Variants in CDH12 observed in about 807,000 individuals in gnomAD.
CDH12 encodes the protein cadherin 12.
CDH12 carries 41 observed loss-of-function variants against 74.1 expected under a neutral mutation model. The observed-to-expected ratio is 0.55, with a 90% CI of 0.43 to 0.72. The LOEUF is 0.72. CDH12 is among the 30% of genes least tolerant of loss of function. The probability of loss-of-function intolerance (pLI) is 0.00; values close to 1 mark genes in which losing one functional copy is unlikely to be tolerated. For missense variants in CDH12, 945 were observed against 977.2 expected, an observed-to-expected ratio of 0.97 and a Z score of 0.44; for synonymous variants, 399 against 355.0, an observed-to-expected ratio of 1.12 and a Z score of -1.39.
intron 8 of CDH12, among the ~76,000 whole-genome samples, chr5:21,818,365 CAAG>C (rs1748180960): frequency 6.6e-6 from 1 of 151,850 alleles, no homozygotes; most frequent in Non-Finnish European, 1.5e-5. Flanking sequence ...TTATTTTCTC[CAAG>C]AAGGTGTGAG....
intron 6 of CDH12, among the ~76,000 whole-genome samples, chr5:21,856,986 A>G (rs535666386): frequency 6.6e-6 from 1 of 151,960 alleles, no homozygotes; most frequent in East Asian, 1.9e-4. Flanking sequence ...ACAAGAATGG[A>G]ACTAAACACC....
At chr5:22,849,219 C>G (rs1322568206) in intron 1 of CDH12, among the ~76,000 whole-genome samples, 1 of 152,054 alleles carries the variant, frequency 6.6e-6, no homozygotes, top group Non-Finnish European at 1.5e-5. Context: ...CAGAATAACT[C>G]AAAGTTCAAA....
At chr5:22,838,033 T>C (rs1213555799) in intron 1 of CDH12, among the ~76,000 whole-genome samples, 1 of 152,054 alleles carries the variant, frequency 6.6e-6, no homozygotes, top group Non-Finnish European at 1.5e-5. Flanking sequence ...AGTGAAAAAA[T>C]AACCATTATT....
chr5:22,047,233 T>A (rs906737920), intron 5 of CDH12, among the ~76,000 whole-genome samples: 1 of 152,188 alleles, frequency 6.6e-6, no homozygotes, highest in Non-Finnish European at 1.5e-5. Context: ...CACTCTAGGA[T>A]CCCTTCCTTA....
chr5:22,268,848 A>T lies in CDH12; in HGVS notation c.-332-56205T>A, dbSNP rs192596193. On this transcript the variant is annotated intron_variant, in intron 3 of 14. Transcript: ENST00000382254. Reference sequence around the variant, plus strand: ...TATTTTTAATTATTGAGCAACTCGTATGCATCATACTTTACATTAGGCTAG... The same window carrying T: ...TATTTTTAATTATTGAGCAACTCGTTTGCATCATACTTTACATTAGGCTAG... Among the ~76,000 whole-genome samples, 677 of 152,280 alleles carry T rather than the reference A, an allele frequency of 4.4e-3. 5 individuals carry two copies. The highest frequency in any genetic ancestry group is 0.015 in the African/African-American group (635 of 41,566).
chr5:22,063,744 G>C (rs983528618), intron 5 of CDH12, among the ~76,000 whole-genome samples: 3 of 151,622 alleles, frequency 2.0e-5, no homozygotes, highest in African/African-American at 7.3e-5. Flanking sequence ...TAAATTGGCG[G>C]ACTTTGAGTA....
chr5:22,249,200 G>T lies in CDH12; in HGVS notation c.-332-36557C>A, dbSNP rs573575241. 2.6e-5 allele frequency among the ~76,000 whole-genome samples: 4 copies of T among 152,176 alleles called. No individual in the cohort carries two copies. In the South Asian group the frequency reaches 8.3e-4, roughly 32 times the overall value. On this transcript the variant is annotated intron_variant, in intron 3 of 14. Transcript: ENST00000382254. ...AGTGTCAATTAATTTTAAATTCATA[G>T]AACAGCTGTGAATGTTAGAGCCATA...
At chr5:21,781,829 G>C (rs192739647) in intron 11 of CDH12, among the ~76,000 whole-genome samples, 23 of 152,178 alleles carry the variant, frequency 1.5e-4, no homozygotes, top group African/African-American at 5.1e-4. Flanking sequence ...CAAGAAACTG[G>C]GAATCAGTAG....
chr5:22,381,434 T>C (rs1364179416), intron 3 of CDH12, among the ~76,000 whole-genome samples: 4 of 152,120 alleles, frequency 2.6e-5, no homozygotes, highest in Non-Finnish European at 4.4e-5. Flanking sequence ...TCTATTTCAA[T>C]CTTCGGGTTG....
chr5:22,133,819 T>A (rs1746312158), intron 4 of CDH12, among the ~76,000 whole-genome samples: 1 of 152,098 alleles, frequency 6.6e-6, no homozygotes, highest in Non-Finnish European at 1.5e-5. Flanking sequence ...CTTCACTTAA[T>A]CATGTTATTT....
At chr5:22,000,375 A>G (rs1736535241) in intron 5 of CDH12, among the ~76,000 whole-genome samples, 1 of 152,194 alleles carries the variant, frequency 6.6e-6, no homozygotes, top group African/African-American at 2.4e-5. Flanking sequence ...TGAGCCTGGC[A>G]TCACATCAGC....
chr5:22,467,911 T>C (rs1206823625), intron 2 of CDH12, among the ~76,000 whole-genome samples: 1 of 152,234 alleles, frequency 6.6e-6, no homozygotes, highest in Non-Finnish European at 1.5e-5. Flanking sequence ...CATCAAATCA[T>C]CTGTAATGAT....
chr5:22,121,934 G>A (rs1745537405), intron 4 of CDH12, among the ~76,000 whole-genome samples: 1 of 151,800 alleles, frequency 6.6e-6, no homozygotes, highest in Non-Finnish European at 1.5e-5. Flanking sequence ...ATTACATATA[G>A]GTGCAATTAT....
intron 11 of CDH12, among the ~76,000 whole-genome samples, chr5:21,780,826 T>A (rs74535686): frequency 6.6e-6 from 1 of 152,198 alleles, no homozygotes; most frequent in Admixed American, 6.5e-5. Context: ...AATTATGATA[T>A]ATTTTAGCTG....
chr5:22,322,051 C>A (rs1257079596), intron 3 of CDH12, among the ~76,000 whole-genome samples: 1 of 152,162 alleles, frequency 6.6e-6, no homozygotes, highest in Non-Finnish European at 1.5e-5. Context: ...CTCAGAATAT[C>A]ATTTTAATGA....
At chr5:22,652,102 T>A (rs1739776583) in intron 1 of CDH12, among the ~76,000 whole-genome samples, 1 of 152,136 alleles carries the variant, frequency 6.6e-6, no homozygotes, top group Non-Finnish European at 1.5e-5. Flanking sequence ...GGAAAAAGAT[T>A]AAAATGTGAA....
intron 3 of CDH12, among the ~76,000 whole-genome samples, chr5:22,326,710 C>T (rs955313167): frequency 6.6e-6 from 1 of 152,120 alleles, no homozygotes; most frequent in African/African-American, 2.4e-5. Context: ...AAAATTGTAC[C>T]TATAAAATCC....
Position 21,915,300 on chromosome 5 carries a change from G to GT in CDH12, c.526+59790dup, listed in dbSNP as rs545605710. On this transcript the variant is annotated intron_variant, in intron 6 of 14. Transcript: ENST00000382254. Reference sequence around the variant, plus strand: ...ATATGTAGCAGAATAACAACTAATGGTTTTTTAGTAGTATGTAGAGAAGAA... The same window carrying GT: ...ATATGTAGCAGAATAACAACTAATGGTTTTTTTAGTAGTATGTAGAGAAGAA... 4.4e-3 allele frequency among the ~76,000 whole-genome samples: 669 copies of GT among 152,202 alleles called. 7 individuals carry two copies. Among genetic ancestry groups the GT allele is most frequent in the African/African-American group, 0.015 (633 of 41,538 alleles).
At chr5:22,631,690 T>C in intron 1 of CDH12, among the ~76,000 whole-genome samples, 1 of 152,170 alleles carries the variant, frequency 6.6e-6, no homozygotes, top group Non-Finnish European at 1.5e-5. Context: ...CTCATTGTTC[T>C]GCAGGCTGTA....
Sources: gnomAD v4.1 joint callset for allele counts (sites outside exome capture counted in the v4.1 genomes callset) on GRCh38, gnomAD v4.1.1 for gene constraint, MANE v1.5 for transcripts, NCBI Gene and HGNC (gene_info 2026-07-23, HGNC 2026-07-21) for gene names.